The following RCAN2 variants were observed in gnomAD, a reference collection of about 807,000 sequenced individuals.
RCAN2 encodes the protein calcipressin-2.
A neutral mutation model predicts 23.6 loss-of-function variants in RCAN2; 9 were observed. The ratio of observed to expected loss-of-function variants is 0.38; its 90% CI spans 0.23 to 0.67. The LOEUF is 0.67. RCAN2 is among the 30% of genes least tolerant of loss of function. The probability of loss-of-function intolerance (pLI) is 0.51; values close to 1 mark genes in which losing one functional copy is unlikely to be tolerated. For synonymous variants in RCAN2, 109 were observed against 115.7 expected, an observed-to-expected ratio of 0.94 and a Z score of 0.37; for missense variants, 273 against 302.3, an observed-to-expected ratio of 0.90 and a Z score of 0.72.
chr6:46,333,747 C>G (rs1266839556), intron 2 of RCAN2, among the ~76,000 whole-genome samples: 1 of 152,198 alleles, frequency 6.6e-6, no homozygotes, highest in African/African-American at 2.4e-5. Context: ...ATTTCTCTTT[C>G]TGTAGGCGCA....
chr6:46,346,122 C>T (rs1460819759), intron 2 of RCAN2, among the ~76,000 whole-genome samples: 2 of 151,852 alleles, frequency 1.3e-5, no homozygotes, highest in Non-Finnish European at 2.9e-5. Context: ...AAATATATTC[C>T]TCTGAATAAC....
At chr6:46,481,790 A>C (rs986714119) in intron 1 of RCAN2, among the ~76,000 whole-genome samples, 1 of 152,148 alleles carries the variant, frequency 6.6e-6, no homozygotes, top group African/African-American at 2.4e-5. Context: ...AAATGCATAT[A>C]TTTGGCAGCA....
At chr6:46,475,698 C>T (rs2150444136) in intron 1 of RCAN2, among the ~76,000 whole-genome samples, 1 of 152,282 alleles carries the variant, frequency 6.6e-6, no homozygotes, top group Middle Eastern at 3.4e-3. Flanking sequence ...ATGGTGACTG[C>T]TGCTTCCACC....
intron 2 of RCAN2, among the ~76,000 whole-genome samples, chr6:46,252,842 T>C (rs1002258615): frequency 6.6e-6 from 1 of 152,174 alleles, no homozygotes; most frequent in African/African-American, 2.4e-5. Flanking sequence ...CTCATCCAAA[T>C]ATGCGGTTGG....
At chr6:46,247,106 T>C (rs1450249285) in intron 3 of RCAN2, among the ~76,000 whole-genome samples, 187 bp from the exon 4 acceptor site, 1 of 152,102 alleles carries the variant, frequency 6.6e-6, no homozygotes, top group Non-Finnish European at 1.5e-5. Context: ...AAATAGTGGA[T>C]CTCAACCTTT....
intron 2 of RCAN2, among the ~76,000 whole-genome samples, chr6:46,426,369 T>C (rs1011227760): frequency 2.6e-5 from 4 of 152,256 alleles, no homozygotes; most frequent in African/African-American, 9.6e-5. Context: ...GGTTTTACTT[T>C]CAGTGTTCCT....
intron 1 of RCAN2, among the ~76,000 whole-genome samples, chr6:46,480,631 G>GTTT (rs397713886): frequency 6.7e-6 from 1 of 148,614 alleles, no homozygotes; most frequent in Non-Finnish European, 1.5e-5. Flanking sequence ...AGAGTTACTT[G>GTTT]TTTTTTTTTT....
intron 2 of RCAN2, among the ~76,000 whole-genome samples, chr6:46,392,262 G>C (rs1765959689): frequency 6.6e-6 from 1 of 152,074 alleles, no homozygotes; most frequent in African/African-American, 2.4e-5. Flanking sequence ...TCTATCATAG[G>C]GGCAGCAAGT....
intron 4 of RCAN2, among the ~76,000 whole-genome samples, chr6:46,243,831 AAC>A (rs58583414): frequency 3.3e-5 from 5 of 150,552 alleles, no homozygotes; most frequent in East Asian, 1.9e-4. Flanking sequence ...AAAAAAAAAA[AAC>A]CAAGAAATAA....
intron 2 of RCAN2, among the ~76,000 whole-genome samples, chr6:46,287,117 A>T (rs931929541): frequency 1.6e-4 from 25 of 152,144 alleles, no homozygotes; most frequent in African/African-American, 5.8e-4. Flanking sequence ...GCCATGGTGG[A>T]GAATGGGAAG....
At chr6:46,268,664 C>T (rs1767422920) in intron 2 of RCAN2, among the ~76,000 whole-genome samples, 1 of 152,148 alleles carries the variant, frequency 6.6e-6, no homozygotes, top group Admixed American at 6.6e-5. Context: ...AGAACATAAT[C>T]CAGGTTAAGA....
At chr6:46,368,890 T>G (rs1765250829) in intron 2 of RCAN2, among the ~76,000 whole-genome samples, 1 of 152,188 alleles carries the variant, frequency 6.6e-6, no homozygotes, top group Non-Finnish European at 1.5e-5. Flanking sequence ...TATTTTTCCT[T>G]CAATAACAAA....
At chr6:46,462,078 T>C (rs764103554) in intron 1 of RCAN2, among the ~76,000 whole-genome samples, 5 of 152,240 alleles carry the variant, frequency 3.3e-5, no homozygotes, top group Admixed American at 2.6e-4. Context: ...GCCATCATCT[T>C]CTACTGTTAA....
intron 1 of RCAN2, among the ~76,000 whole-genome samples, chr6:46,463,158 T>C (rs766173650): frequency 6.6e-6 from 1 of 152,180 alleles, no homozygotes; most frequent in Non-Finnish European, 1.5e-5. Context: ...CTGGGTACTG[T>C]CCACTACAGA....
intron 1 of RCAN2, among the ~76,000 whole-genome samples, chr6:46,489,600 C>G (rs796125286): frequency 3.9e-5 from 6 of 152,338 alleles, no homozygotes; most frequent in African/African-American, 1.4e-4. Context: ...AATGAGAAAG[C>G]TCTCGAGTTC....
chr6:46,480,521 T>C (rs913437487), intron 1 of RCAN2, among the ~76,000 whole-genome samples: 1 of 152,246 alleles, frequency 6.6e-6, no homozygotes, highest in African/African-American at 2.4e-5. Flanking sequence ...CAGTCATATC[T>C]GGTGCTTTGT....
intron 2 of RCAN2, among the ~76,000 whole-genome samples, chr6:46,405,696 G>A (rs1766378846): frequency 6.6e-6 from 1 of 152,236 alleles, no homozygotes; most frequent in African/African-American, 2.4e-5. Flanking sequence ...GAGCCCAGCT[G>A]GCTTCACCTA....
At chr6:46,442,388 T>C (rs1014741549) in intron 2 of RCAN2, among the ~76,000 whole-genome samples, 1 of 152,148 alleles carries the variant, frequency 6.6e-6, no homozygotes, top group Non-Finnish European at 1.5e-5. Context: ...AGCCTACCCC[T>C]CCACCACCAC....
chr6:46,424,939 A>T (rs1012647257), intron 2 of RCAN2, among the ~76,000 whole-genome samples: 1 of 152,222 alleles, frequency 6.6e-6, no homozygotes, highest in African/African-American at 2.4e-5. Flanking sequence ...TGAACAAAGC[A>T]GTCAAAAAGC....
Sources: gnomAD v4.1 joint callset for allele counts (sites outside exome capture counted in the v4.1 genomes callset) on GRCh38, gnomAD v4.1.1 for gene constraint, MANE v1.5 for transcripts, NCBI Gene and HGNC (gene_info 2026-07-23, HGNC 2026-07-21) for gene names.